Variants in FGF12 observed in about 807,000 individuals in gnomAD.
The protein encoded by FGF12 is fibroblast growth factor 12B.
In FGF12, 14 loss-of-function variants were observed where a neutral mutation model predicts 23.6. The ratio of observed to expected loss-of-function variants is 0.59; its 90% confidence interval spans 0.39 to 0.93. The LOEUF (loss-of-function observed/expected upper bound fraction) is 0.93. Among genes scored for constraint, FGF12 ranks in the 40% least tolerant of loss-of-function variants. The pLI is 0.00. For missense variants in FGF12, 175 were observed against 217.8 expected, an observed-to-expected ratio of 0.80 and a Z score of 1.24; for synonymous variants, 62 against 77.3, an observed-to-expected ratio of 0.80 and a Z score of 1.04.
intron 2 of FGF12, among the ~76,000 whole-genome samples, chr3:192,629,883 C>T (rs565941596): frequency 5.7e-4 from 87 of 152,238 alleles, no homozygotes; most frequent in African/African-American, 2.0e-3. Context: ...CACAAGAACA[C>T]GTATTTTTAA....
chr3:192,483,383 G>A (rs541548504), intron 2 of FGF12, among the ~76,000 whole-genome samples: 58 of 152,002 alleles, frequency 3.8e-4, no homozygotes, highest in African/African-American at 1.3e-3. Flanking sequence ...TCTTAAAAGC[G>A]AAACCAAACA....
intron 4 of FGF12, among the ~76,000 whole-genome samples, chr3:192,215,564 T>G (rs1184929467): frequency 6.6e-6 from 1 of 152,142 alleles, no homozygotes; most frequent in Non-Finnish European, 1.5e-5. Flanking sequence ...AGCCATAAAT[T>G]CAATACTACT....
At chr3:192,617,576 T>A (rs1371920630) in intron 2 of FGF12, among the ~76,000 whole-genome samples, 2 of 152,142 alleles carry the variant, frequency 1.3e-5, no homozygotes, top group East Asian at 3.9e-4. Flanking sequence ...CATAAGGCAC[T>A]ATTTAGACAG....
At chr3:192,368,025 G>T (rs1021093690) in intron 2 of FGF12, among the ~76,000 whole-genome samples, 4 of 152,130 alleles carry the variant, frequency 2.6e-5, no homozygotes, top group African/African-American at 9.7e-5. Context: ...TTGAGCAACA[G>T]CCTTTGTGAC....
At chr3:192,359,203 TATA>T (rs1376312223) in intron 3 of FGF12, among the ~76,000 whole-genome samples, 2 of 152,220 alleles carry the variant, frequency 1.3e-5, no homozygotes, top group African/African-American at 2.4e-5. Context: ...TGAAATTCTT[TATA>T]ATAAGATCTT....
At chr3:192,231,161 C>G (rs61050386) in intron 4 of FGF12, among the ~76,000 whole-genome samples, 4,816 of 152,172 alleles carry the variant, frequency 0.032, 249 homozygotes, top group African/African-American at 0.11. Flanking sequence ...TGACAGAGTT[C>G]CGAATTCTTC....
intron 4 of FGF12, among the ~76,000 whole-genome samples, chr3:192,322,436 A>G (rs1716594692): frequency 6.6e-6 from 1 of 152,056 alleles, no homozygotes; most frequent in African/African-American, 2.4e-5. Flanking sequence ...CATAATACTA[A>G]CAACATTCTT....
At chr3:192,587,584 G>C (rs550740944) in intron 2 of FGF12, among the ~76,000 whole-genome samples, 3 of 151,940 alleles carry the variant, frequency 2.0e-5, no homozygotes, top group African/African-American at 7.2e-5. Context: ...GGGAGGCTGA[G>C]GCAGGAGGAT....
At chr3:192,477,911 A>G (rs1169782183) in intron 2 of FGF12, among the ~76,000 whole-genome samples, 1 of 152,240 alleles carries the variant, frequency 6.6e-6, no homozygotes, top group African/African-American at 2.4e-5. Context: ...TGTACTTTAC[A>G]TCACTTAAAA....
At chr3:192,374,019 A>T (rs766886683) in intron 2 of FGF12, among the ~76,000 whole-genome samples, 12 of 152,208 alleles carry the variant, frequency 7.9e-5, no homozygotes, top group Non-Finnish European at 1.0e-4. Context: ...ACAGTTTCCC[A>T]TTTACATGTG....
At chr3:192,247,032 AGAAGGAAGGAAGGAAGGAAGGAAGGAAG>A (rs71177355) in intron 4 of FGF12, among the ~76,000 whole-genome samples, 1,063 of 86,378 alleles carry the variant, frequency 0.012, 16 homozygotes, top group African/African-American at 0.028. Flanking sequence ...AGGGAAGGAA[AGAAGGAAGGAAGGAAGGAAGGAAGGAAG>A]GAAGGAAGGA....
intron 4 of FGF12, among the ~76,000 whole-genome samples, chr3:192,197,539 G>C (rs1406155639): frequency 6.6e-6 from 1 of 152,172 alleles, no homozygotes; most frequent in Admixed American, 6.5e-5. Flanking sequence ...ATTTGAAACA[G>C]TGAAGGGAAA....
chr3:192,521,773 T>C (rs1724819442), intron 2 of FGF12, among the ~76,000 whole-genome samples: 1 of 152,172 alleles, frequency 6.6e-6, no homozygotes, highest in Non-Finnish European at 1.5e-5. Context: ...TCCTCTATTA[T>C]AGGATTTATT....
At chr3:192,306,352 C>A (rs1715651538) in intron 4 of FGF12, among the ~76,000 whole-genome samples, 1 of 152,056 alleles carries the variant, frequency 6.6e-6, no homozygotes, top group Non-Finnish European at 1.5e-5. Flanking sequence ...GTGCCTTAAC[C>A]CCCAGTTCAG....
intron 2 of FGF12, among the ~76,000 whole-genome samples, chr3:192,453,857 T>A (rs1722600285): frequency 6.6e-6 from 1 of 152,180 alleles, no homozygotes; most frequent in Non-Finnish European, 1.5e-5. Context: ...CTAATCTGGG[T>A]TTAAACTTTA....
At chr3:192,175,311 G>A (rs1310973364) in intron 4 of FGF12, among the ~76,000 whole-genome samples, 2 of 152,176 alleles carry the variant, frequency 1.3e-5, no homozygotes, top group Admixed American at 6.5e-5. Flanking sequence ...AGACTAACCA[G>A]TAGTCATGTT....
At chr3:192,683,602 C>G (rs939136954) in intron 2 of FGF12, among the ~76,000 whole-genome samples, 2 of 152,118 alleles carry the variant, frequency 1.3e-5, no homozygotes, top group African/African-American at 4.8e-5. Context: ...TTTCCCCGCT[C>G]TATTAAGCAG....
At chr3:192,205,369 T>G (rs1429123272) in intron 4 of FGF12, among the ~76,000 whole-genome samples, 2 of 152,142 alleles carry the variant, frequency 1.3e-5, no homozygotes, top group East Asian at 3.9e-4. Flanking sequence ...CATGTTAATA[T>G]AAGAAAAGGA....
At chr3:192,333,851 T>C (rs1459754458) in intron 4 of FGF12, among the ~76,000 whole-genome samples, 1 of 152,058 alleles carries the variant, frequency 6.6e-6, no homozygotes, top group Non-Finnish European at 1.5e-5. Flanking sequence ...CCATGCGAAA[T>C]GTGGTACACA....
Sources: allele counts gnomAD v4.1 joint callset (sites outside exome capture counted in the v4.1 genomes callset), GRCh38; gene constraint gnomAD v4.1.1; transcripts MANE v1.5; gene names NCBI Gene and HGNC (gene_info 2026-07-23, HGNC 2026-07-21).